Variants in DNAH10 observed in about 807,000 individuals in gnomAD.
DNAH10 encodes axonemal beta dynein heavy chain 10.
Under a neutral mutation model 506.6 loss-of-function variants are expected in DNAH10, and 348 were observed. The ratio of observed to expected loss-of-function variants is 0.69; its 90% confidence interval spans 0.63 to 0.75. The LOEUF (loss-of-function observed/expected upper bound fraction) is 0.75. DNAH10 is among the 30% of genes least tolerant of loss of function. DNAH10 has a pLI of 0.00. For synonymous variants in DNAH10, 2,059 were observed against 2,198.6 expected, an observed-to-expected ratio of 0.94 and a Z score of 1.78; for missense variants, 5,179 against 5,787.1, an observed-to-expected ratio of 0.89 and a Z score of 3.41.
At position 123,935,370 on chromosome 12, in the gene DNAH10, G is replaced by A; in HGVS notation, c.13659G>A (p.Met4553Ile). Residue 4553 changes from methionine (M) to isoleucine (I), a missense_variant, in exon 79 of 79, where the codon ATG (methionine) becomes ATA (isoleucine). Met to Ile is a conservative substitution (Grantham distance 10, BLOSUM62 1). This residue lies in a region of DNAH10 where 4,844 missense variants were observed against 5,430.5 expected (regional missense o/e 0.89). Coordinates refer to ENST00000673944, the MANE Select transcript of DNAH10 (RefSeq NM_001372106.1). The stretch of plus-strand genomic sequence containing the variant: ...GGACCCCCGTCTACACCACCTCCAT[G>A]AGAAGGAACGCCATGGGAGTCGGCT... ...TFRTPVYTTSMRRNAMGVGLV... is the reference protein window; with the variant it reads ...TFRTPVYTTSIRRNAMGVGLV... 6.2e-7 allele frequency: 1 copy of A among 1,611,300 alleles called. No individual in the cohort carries two copies.
intron 33 of DNAH10, 129 bp downstream of exon 33, chr12:123,848,224 A>AC: frequency 7.5e-7 from 1 of 1,338,728 alleles, no homozygotes. Flanking sequence ...TTCCACCACC[A>AC]CAGCCCCAGA....
intron 69 of DNAH10, chr12:123,927,251 G>A (rs1954987786): frequency 1.6e-5 from 3 of 187,684 alleles, no homozygotes; most frequent in Non-Finnish European, 3.2e-5. Flanking sequence ...ATACAAACAC[G>A]TCACCATGTT....
Position 123,864,677 on chromosome 12 carries a change from T to C in DNAH10, c.6991T>C (p.Leu2331=), listed in dbSNP as rs750376072. 2.5e-6 allele frequency: 4 copies of C among 1,613,888 alleles called. No individual in the cohort carries two copies. The highest frequency in any genetic ancestry group is 3.3e-5 in the Admixed American group (2 of 60,000). ...SVMDDNRLLT[L]ANGERIRLQA... ...GATGGATGACAACAGGTTGTTGACA[T>C]TGGCCAACGGGGAACGCATCCGGCT... is the stretch of plus-strand genomic sequence containing the variant. Residue 2331 remains leucine (L), a synonymous_variant, in exon 40 of 79, where the codon TTG becomes CTG. Transcript: ENST00000673944.
At position 123,902,547 on chromosome 12, in the gene DNAH10, T is replaced by G. The variant is rs1316646405; in HGVS notation, c.9641-392T>G. Among the ~76,000 whole-genome samples the G allele has an allele frequency of 6.6e-6, 1 of 151,710 alleles. No individual in the cohort carries two copies. The highest frequency in any genetic ancestry group is 1.5e-5 in the Non-Finnish European group (1 of 67,940). Reference sequence around the variant, plus strand: ...GAGGGTGGCTCTGGCTGGGCCCGAGTGAGCGTAGGAAGAGGCGATGAGAGG... The same window carrying G: ...GAGGGTGGCTCTGGCTGGGCCCGAGGGAGCGTAGGAAGAGGCGATGAGAGG... On this transcript the variant is annotated intron_variant, in intron 56 of 78. Coordinates refer to ENST00000673944, the MANE Select transcript of DNAH10 (RefSeq NM_001372106.1). This position sits in a 1 kb window ranked among gnomAD's most constrained non-coding sequence, Gnocchi z 4.5.
At chr12:123,843,110 G>C (rs971015772) in intron 30 of DNAH10, among the ~76,000 whole-genome samples, 1 of 152,248 alleles carries the variant, frequency 6.6e-6, no homozygotes, top group Admixed American at 6.5e-5. Context: ...TGGTAGTGCT[G>C]AGTTGGTGGA....
Position 123,915,050 on chromosome 12 carries a change from G to A in DNAH10, c.10722+51G>A, listed in dbSNP as rs376385346. Reference sequence around the variant, plus strand: ...TTCTGCCCCCTATTCCTGTTCTCTGGAGAATGCCCCTCCCGCCTCCTGTAC... The same window carrying A: ...TTCTGCCCCCTATTCCTGTTCTCTGAAGAATGCCCCTCCCGCCTCCTGTAC... On this transcript the variant is annotated intron_variant, in intron 62 of 78. Transcript: ENST00000673944. 3.0e-3 allele frequency: 4,553 copies of A among 1,539,158 alleles called. 13 individuals carry two copies. Among genetic ancestry groups the A allele is most frequent in the Non-Finnish European group, 3.3e-3 (3,794 of 1,141,924 alleles).
chr12:123,834,289 C>T (rs1960900546), intron 27 of DNAH10, among the ~76,000 whole-genome samples: 1 of 152,114 alleles, frequency 6.6e-6, no homozygotes, highest in Non-Finnish European at 1.5e-5. Flanking sequence ...CTCATTGCAA[C>T]CTCTGCCAGC....
rs534048187 is a variant in DNAH10 at position 123,817,583 on chromosome 12, T to A, written c.3781-1367T>A. Among the ~76,000 whole-genome samples, 35 of 152,340 alleles carry A rather than the reference T, an allele frequency of 2.3e-4. No individual in the cohort carries two copies. The South Asian group carries it at 6.8e-3, about 30-fold the overall frequency. ...CTCTACCAAAATTCTCAATTTTTTG[T>A]CTTTTGTTTCCTTGACTCTATTAAA... On this transcript the variant is annotated intron_variant, in intron 21 of 78. Coordinates refer to ENST00000673944, the MANE Select transcript of DNAH10 (RefSeq NM_001372106.1).
chr12:123,896,136 CACACACACACACAGAGAGAG>C (rs1953217490), intron 54 of DNAH10, among the ~76,000 whole-genome samples: 1 of 112,928 alleles, frequency 8.9e-6, no homozygotes, highest in Non-Finnish European at 1.7e-5. Context: ...CACACACACA[CACACACACACACAGAGAGAG>C]AGAGAGAGAG....
At chr12:123,912,998 C>A in intron 59 of DNAH10, 100 bp from the exon 60 acceptor site, 2 of 1,130,808 alleles carry the variant, frequency 1.8e-6, no homozygotes, top group Non-Finnish European at 2.5e-6. Flanking sequence ...AGCACAGACA[C>A]CATTAGAGCA....
In DNAH10 at chr12:123,898,748, G is replaced by C; in HGVS notation, c.9574G>C (p.Val3192Leu). The change falls in exon 56 of 79, where the codon GTG becomes CTG. Residue 3192 changes from valine (V) to leucine (L), a missense_variant. Transcript: ENST00000673944. ...LNQKLAEQKI[V>L]LAEKSAACEA... Reference sequence around the variant, plus strand: ...CCAGAAGCTGGCCGAGCAGAAGATCGTGCTGGCGGAGAAGTCCGCCGCCTG... The same window carrying C: ...CCAGAAGCTGGCCGAGCAGAAGATCCTGCTGGCGGAGAAGTCCGCCGCCTG... 2 of 1,611,880 alleles carry C rather than the reference G, an allele frequency of 1.2e-6. No individual in the cohort carries two copies. Among genetic ancestry groups the C allele is most frequent in the Middle Eastern group, 1.7e-4 (1 of 6,056 alleles).
chr12:123,849,995 C>T (rs1465613187), intron 34 of DNAH10, among the ~76,000 whole-genome samples: 1 of 152,074 alleles, frequency 6.6e-6, no homozygotes, highest in Non-Finnish European at 1.5e-5. Context: ...TTTCTCAGAG[C>T]CAGGAGGCAG....
intron 25 of DNAH10, among the ~76,000 whole-genome samples, chr12:123,827,893 A>G (rs1377992597): frequency 3.3e-5 from 5 of 151,994 alleles, no homozygotes; most frequent in Non-Finnish European, 7.4e-5. Context: ...TGGAGCACTC[A>G]CCTTTACCTT....
intron 43 of DNAH10, among the ~76,000 whole-genome samples, chr12:123,869,674 C>T (rs1002386262): frequency 6.6e-6 from 1 of 152,196 alleles, no homozygotes; most frequent in South Asian, 2.1e-4. Flanking sequence ...AGAGGCCACC[C>T]CCACTGCACC....
At chr12:123,852,585 T>C (rs1951218296) in intron 35 of DNAH10, among the ~76,000 whole-genome samples, 1 of 152,036 alleles carries the variant, frequency 6.6e-6, no homozygotes, top group Non-Finnish European at 1.5e-5. Context: ...CCTTTTTTTT[T>C]TTTTTGAGAT....
In DNAH10 at chr12:123,873,585, C is replaced by A. The variant is rs529828353; in HGVS notation, c.7813C>A (p.Arg2605Ser). Residue 2605 changes from arginine (R) to serine (S), a missense_variant, in exon 46 of 79, where the codon CGC becomes AGC. Arg to Ser is a moderately radical substitution (Grantham distance 110). Around this residue, in one of 3 missense-constraint regions of DNAH10, gnomAD observed 4,844 missense variants for 5,430.5 expected, o/e 0.89. Coordinates refer to ENST00000673944, the MANE Select transcript of DNAH10 (RefSeq NM_001372106.1). ...NIVLMVNFSSRTTSMDIQRNL... is the reference protein window; with the variant it reads ...NIVLMVNFSSSTTSMDIQRNL... ...TGTGTTAATGGTCAACTTCTCCTCC[C>A]GCACCACGTCCATGGATATCCAAAG... The A allele has an allele frequency of 1.9e-5, 31 of 1,613,012 alleles. No individual in the cohort carries two copies. In the East Asian group the frequency reaches 6.9e-4, roughly 36 times the overall value.
intron 36 of DNAH10, among the ~76,000 whole-genome samples, chr12:123,856,014 A>G (rs2136792065): frequency 6.7e-6 from 1 of 148,540 alleles, no homozygotes; most frequent in South Asian, 2.1e-4. Flanking sequence ...TTACATTTAT[A>G]TTATTTATAT....
At position 123,846,387 on chromosome 12, in the gene DNAH10, G is replaced by A. The variant is rs1339722408; in HGVS notation, c.5814+233G>A. Among the ~76,000 whole-genome samples, 2 of 152,160 alleles carry A rather than the reference G, an allele frequency of 1.3e-5. No homozygotes were observed. ...TGGTCCCTAGGTAATGGTGTGTCAG[G>A]GGTATTGGTAGAGGCCAATGCGAAA... is the stretch of plus-strand genomic sequence containing the variant. On this transcript the variant is annotated intron_variant, in intron 32 of 78. Coordinates refer to ENST00000673944, the MANE Select transcript of DNAH10 (RefSeq NM_001372106.1). This position sits in a 1 kb window ranked among gnomAD's most constrained non-coding sequence, Gnocchi z 4.5.
intron 1 of DNAH10, among the ~76,000 whole-genome samples, chr12:123,765,549 G>A (rs559379702): frequency 8.5e-6 from 1 of 117,820 alleles, no homozygotes; most frequent in African/African-American, 4.0e-5. Flanking sequence ...ACCTTCCTAT[G>A]CATCTATCTA....
Sources: gnomAD v4.1 joint callset for allele counts (sites outside exome capture counted in the v4.1 genomes callset) on GRCh38, gnomAD v4.1.1 for gene constraint, gnomAD v4.1.1 regional missense constraint, Gnocchi (gnomAD v3.1) non-coding constraint, MANE v1.5 for transcripts, NCBI Gene and HGNC (gene_info 2026-07-23, HGNC 2026-07-21) for gene names.